The following CCDC171 variants were observed in gnomAD, a reference collection of about 807,000 sequenced individuals.
The protein encoded by CCDC171 is coiled-coil domain-containing protein 171.
CCDC171 carries 177 observed loss-of-function variants against 168.2 expected under a neutral mutation model. The ratio of observed to expected loss-of-function variants is 1.05; its 90% CI spans 0.93 to 1.19. CCDC171 has a LOEUF of 1.19. Among genes scored for constraint, CCDC171 ranks in the 50% most tolerant of loss-of-function variants. The pLI is 0.00. For missense variants in CCDC171, 1,991 were observed against 1,539.0 expected (o/e 1.29, Z -4.91); for synonymous variants, 687 against 540.8 (o/e 1.27, Z -3.75).
intron 23 of CCDC171, among the ~76,000 whole-genome samples, chr9:15,865,918 A>G (rs2061764997): frequency 6.6e-6 from 1 of 151,810 alleles, no homozygotes; most frequent in Admixed American, 6.6e-5. Context: ...TATGTGGCAT[A>G]CTTAGAAAAC....
At chr9:15,604,525 C>G (rs578222640) in intron 6 of CCDC171, among the ~76,000 whole-genome samples, 16 of 152,256 alleles carry the variant, frequency 1.1e-4, no homozygotes, top group African/African-American at 3.9e-4. Context: ...ATACAGTTAT[C>G]CTTTCCTTAT....
chr9:16,024,117 G>C (rs925614924), intron 6 of CCDC171, among the ~76,000 whole-genome samples: 2 of 152,082 alleles, frequency 1.3e-5, no homozygotes, highest in Admixed American at 1.3e-4. Flanking sequence ...CAAGGAAATA[G>C]AGTCTCACCT....
chr9:15,866,355 G>C (rs1446078412), intron 23 of CCDC171, among the ~76,000 whole-genome samples: 2 of 151,932 alleles, frequency 1.3e-5, no homozygotes, highest in Non-Finnish European at 2.9e-5. Context: ...GTAGCATTAG[G>C]CTAGATGGGG....
At chr9:15,613,304 C>A (rs918470322) in intron 6 of CCDC171, among the ~76,000 whole-genome samples, 2 of 152,032 alleles carry the variant, frequency 1.3e-5, no homozygotes, top group African/African-American at 4.8e-5. Flanking sequence ...GGAATTGTGA[C>A]TTTAAGTGAA....
chr9:15,594,155 T>C lies in CCDC171; in HGVS notation c.658T>C (p.Leu220=), dbSNP rs1195381227. 5 of 1,431,884 alleles carry C rather than the reference T, an allele frequency of 3.5e-6. No homozygotes were observed. The African/African-American group carries it at 4.2e-5, about 12-fold the overall frequency. 88.7% of individuals were successfully genotyped at this position (1,431,884 alleles called of 1,614,324 possible). ...ACAATGGGAAGCAGAAAGAAGAGAA[T>C]TACAATTTATAGTACAGGTATTTTA... ...EEQWEAERRE[L]QFIVQEQDTA... is the part of the protein sequence containing the mutation. Residue 220 remains leucine, a synonymous_variant, in exon 6 of 26, where the codon TTA becomes CTA. Transcript: ENST00000380701.
chr9:15,646,362 G>T (rs1428653555), intron 7 of CCDC171, among the ~76,000 whole-genome samples: 1 of 152,144 alleles, frequency 6.6e-6, no homozygotes, highest in African/African-American at 2.4e-5. Flanking sequence ...AAAATAACCA[G>T]CTAACATCAT....
intron 21 of CCDC171, among the ~76,000 whole-genome samples, chr9:15,823,301 G>T (rs1050116806): frequency 1.3e-5 from 2 of 151,852 alleles, no homozygotes; most frequent in African/African-American, 4.8e-5. Context: ...TTGTGCACTT[G>T]TACCCTAAAA....
chr9:15,970,522 C>G (rs1255193323), intron 25 of CCDC171, among the ~76,000 whole-genome samples: 1 of 151,980 alleles, frequency 6.6e-6, no homozygotes, highest in Admixed American at 6.6e-5. Flanking sequence ...CAATTGATCA[C>G]TATTTTCCTG....
chr9:16,019,409 C>A (rs1833105387), intron 3 of CCDC171, among the ~76,000 whole-genome samples: 1 of 152,164 alleles, frequency 6.6e-6, no homozygotes, highest in Non-Finnish European at 1.5e-5. Context: ...GACTAATTCC[C>A]TGTAGATGAG....
intron 3 of CCDC171, among the ~76,000 whole-genome samples, chr9:16,002,030 A>G (rs575493790): frequency 2.8e-4 from 42 of 150,598 alleles, no homozygotes; most frequent in Non-Finnish European, 5.5e-4. Flanking sequence ...GGGTCTCACT[A>G]TGTTGCCCAG....
intron 7 of CCDC171, among the ~76,000 whole-genome samples, chr9:15,640,906 T>G (rs1224996369): frequency 6.6e-6 from 1 of 152,112 alleles, no homozygotes; most frequent in Non-Finnish European, 1.5e-5. Context: ...AAGATAGTAT[T>G]AACAAGTGTG....
At chr9:15,996,642 C>G (rs766951624) in intron 3 of CCDC171, among the ~76,000 whole-genome samples, 6 of 151,858 alleles carry the variant, frequency 4.0e-5, no homozygotes, top group Non-Finnish European at 8.8e-5. Flanking sequence ...AAATACCCAG[C>G]AGGTTGTATA....
chr9:15,765,790 A>AAG (rs944764095), intron 18 of CCDC171, among the ~76,000 whole-genome samples: 4 of 152,298 alleles, frequency 2.6e-5, no homozygotes, highest in Admixed American at 6.5e-5. Context: ...AATGGAAAGA[A>AAG]AGAGCAGCAA....
chr9:15,643,662 T>C (rs749831362), intron 7 of CCDC171, among the ~76,000 whole-genome samples: 3 of 152,172 alleles, frequency 2.0e-5, no homozygotes, highest in Non-Finnish European at 2.9e-5. Context: ...CACTATCTAA[T>C]TCCAGAGCGT....
intron 4 of CCDC171, among the ~76,000 whole-genome samples, chr9:15,586,941 A>G (rs978878862): frequency 1.3e-5 from 2 of 152,096 alleles, no homozygotes; most frequent in African/African-American, 2.4e-5. Flanking sequence ...CTGAGTAGTT[A>G]GGACTATAGG....
intron 7 of CCDC171, among the ~76,000 whole-genome samples, chr9:15,623,949 T>C (rs1046739881): frequency 1.3e-5 from 2 of 152,162 alleles, no homozygotes; most frequent in African/African-American, 4.8e-5. Flanking sequence ...AGAAATGTAA[T>C]TGATTTGTTA....
chr9:15,691,472 G>C (rs1442344694), intron 10 of CCDC171, among the ~76,000 whole-genome samples: 1 of 142,540 alleles, frequency 7.0e-6, no homozygotes, highest in Non-Finnish European at 1.5e-5. Context: ...TTTACTCTGA[G>C]CATAATATAC....
intron 6 of CCDC171, among the ~76,000 whole-genome samples, chr9:16,026,315 T>C (rs1304644424): frequency 6.6e-6 from 1 of 152,126 alleles, no homozygotes; most frequent in Non-Finnish European, 1.5e-5. Context: ...CAAACACTTG[T>C]GCTCATTTGA....
At chr9:15,826,162 C>T (rs982932469) in intron 21 of CCDC171, among the ~76,000 whole-genome samples, 2 of 151,916 alleles carry the variant, frequency 1.3e-5, no homozygotes, top group East Asian at 1.9e-4. Context: ...TTTAATTTCT[C>T]ATTCTCTTTT....
Sources: gnomAD v4.1 joint callset for allele counts (sites outside exome capture counted in the v4.1 genomes callset) on GRCh38, gnomAD v4.1.1 for gene constraint, MANE v1.5 for transcripts, NCBI Gene and HGNC (gene_info 2026-07-23, HGNC 2026-07-21) for gene names.